The following PPA2 variants were observed in gnomAD, a reference collection of about 807,000 sequenced individuals.
PPA2 encodes the protein inorganic pyrophosphatase 2.
PPA2 carries 48 observed loss-of-function variants against 49.5 expected under a neutral mutation model. The observed-to-expected ratio is 0.97, with a 90% CI of 0.77 to 1.23. PPA2 has a LOEUF of 1.23. Among genes scored for constraint, PPA2 ranks in the 50% most tolerant of loss-of-function variants. The pLI, the probability that PPA2 is intolerant of heterozygous loss-of-function variation, is 0.00. For synonymous variants in PPA2, 131 were observed against 139.9 expected (o/e 0.94, Z 0.45); for missense variants, 429 against 410.1 (o/e 1.05, Z -0.40).
chr4:105,393,202 T>C (rs2110386033), intron 9 of PPA2, among the ~76,000 whole-genome samples: 1 of 152,164 alleles, frequency 6.6e-6, no homozygotes, highest in East Asian at 1.9e-4. Context: ...TTGGATTTTA[T>C]GATTCTTAAG....
rs374898190 is a variant in PPA2 at position 105,471,929 on chromosome 4, T to A, written c.157+1965A>T. ...TTCCTGCCCTGTTTATCCAACTGAA[T>A]GAAAAACGTATTTTATTTGTGGCAC... On this transcript the variant is annotated intron_variant, in intron 1 of 11. Coordinates refer to ENST00000341695, the MANE Select transcript of PPA2 (RefSeq NM_176869.3). 2.8e-3 allele frequency among the ~76,000 whole-genome samples: 428 copies of A among 152,332 alleles called. 2 individuals are homozygous for A. Among genetic ancestry groups the A allele is most frequent in the African/African-American group, 9.9e-3 (411 of 41,574 alleles).
At chr4:105,409,474 C>T (rs1220259522) in intron 7 of PPA2, among the ~76,000 whole-genome samples, 1 of 152,234 alleles carries the variant, frequency 6.6e-6, no homozygotes, top group African/African-American at 2.4e-5. Flanking sequence ...CATAGCTGAA[C>T]AAAAGGCAGC....
At chr4:105,409,583 C>T (rs1373009217) in intron 7 of PPA2, among the ~76,000 whole-genome samples, 2 of 152,204 alleles carry the variant, frequency 1.3e-5, no homozygotes, top group African/African-American at 4.8e-5. Flanking sequence ...GACAGACTGC[C>T]TTCTCAAGTG....
chr4:105,466,642 C>G (rs1483446640), intron 1 of PPA2, among the ~76,000 whole-genome samples: 2 of 152,108 alleles, frequency 1.3e-5, no homozygotes, highest in Admixed American at 6.5e-5. Context: ...AGAGCAGGAA[C>G]AAAGGGAAGG....
intron 7 of PPA2, chr4:105,405,781 G>C: frequency 1.8e-6 from 1 of 553,096 alleles, no homozygotes; most frequent in South Asian, 1.6e-5. Context: ...AAGTAACTTT[G>C]TAGACCCAAG....
At chr4:105,435,079 T>A (rs946315477) in intron 6 of PPA2, among the ~76,000 whole-genome samples, 2 of 152,192 alleles carry the variant, frequency 1.3e-5, no homozygotes, top group Non-Finnish European at 1.5e-5. Flanking sequence ...TGGTTCTAAG[T>A]CTGTTACCAA....
chr4:105,445,182 G>C (rs1216998491), intron 5 of PPA2, among the ~76,000 whole-genome samples: 1 of 152,076 alleles, frequency 6.6e-6, no homozygotes, highest in African/African-American at 2.4e-5. Context: ...TTATTCTCTA[G>C]CTCCTCTACT....
At chr4:105,425,757 CACACA>C (rs1372804726) in intron 6 of PPA2, among the ~76,000 whole-genome samples, 4,189 of 150,624 alleles carry the variant, frequency 0.028, 183 homozygotes, top group African/African-American at 0.098. Flanking sequence ...CACACACACA[CACACA>C]CCCATCAGAA....
In PPA2 at chr4:105,369,682, C is replaced by A; in HGVS notation, c.*43G>T. 1.7e-6 allele frequency: 2 copies of A among 1,176,684 alleles called. No homozygotes were observed. Among genetic ancestry groups the A allele is most frequent in the South Asian group, 2.6e-5 (2 of 75,516 alleles). 72.9% of individuals were successfully genotyped at this position (1,176,684 alleles called of 1,614,324 possible). The stretch of plus-strand genomic sequence containing the variant: ...CCCCTTGTCTCTAGCACTTGGAGTC[C>A]TTAGAGATGGGAATCTTGACAGCAG... On this transcript the variant is annotated 3_prime_UTR_variant, in exon 12 of 12. Transcript: ENST00000341695.
At chr4:105,376,928 T>C (rs566016194) in intron 10 of PPA2, among the ~76,000 whole-genome samples, 8 of 152,180 alleles carry the variant, frequency 5.3e-5, no homozygotes, top group Non-Finnish European at 7.4e-5. Flanking sequence ...CATTGTTTAA[T>C]TCATATTTCC....
Position 105,438,042 on chromosome 4 carries a change from A to T in PPA2, c.442-6T>A, listed in dbSNP as rs918313820. The T allele has an allele frequency of 4.0e-5, 60 of 1,491,204 alleles. No individual in the cohort carries two copies. The highest frequency in any genetic ancestry group is 3.6e-4 in the Middle Eastern group (2 of 5,606). 92.4% of individuals were successfully genotyped at this position (1,491,204 alleles called of 1,614,324 possible). A position where few individuals can be genotyped will look rare whatever the true frequency, so the allele number is the denominator to read the frequency against. Reference sequence around the variant, plus strand: ...TCATGGGGATCTTCCCAAGTCTAAAATTTTTTTTTTAAAAAAAAGCAGAAA... The same window carrying T: ...TCATGGGGATCTTCCCAAGTCTAAATTTTTTTTTTTAAAAAAAAGCAGAAA... On this transcript the variant is annotated splice_polypyrimidine_tract_variant and splice_region_variant and intron_variant, in intron 5 of 11. Transcript: ENST00000341695.
rs187548134 is a variant in PPA2 at position 105,459,327 on chromosome 4, T to A, written c.158-2582A>T. Among the ~76,000 whole-genome samples the A allele has an allele frequency of 2.6e-5, 4 of 152,328 alleles. No homozygotes were observed. The East Asian group carries it at 5.8e-4, about 22-fold the overall frequency. On this transcript the variant is annotated intron_variant, in intron 1 of 11. Transcript: ENST00000341695. ...TCAGATTTCAAATTCTCTGCCCGAT[T>A]TTCAAAGTTATCTATGAGTAACACA...
chr4:105,446,240 C>T, intron 5 of PPA2, 143 bp downstream of exon 5: 1 of 825,040 alleles, frequency 1.2e-6, no homozygotes, highest in South Asian at 2.5e-5. Context: ...ACTAAAACTC[C>T]ATCCACGTTA....
chr4:105,442,784 C>T (rs1724426534), intron 5 of PPA2, among the ~76,000 whole-genome samples: 1 of 152,188 alleles, frequency 6.6e-6, no homozygotes, highest in Admixed American at 6.5e-5. Flanking sequence ...ACTACTTAAA[C>T]AGTATTCTGC....
At chr4:105,450,686 C>T (rs1722637719) in intron 3 of PPA2, among the ~76,000 whole-genome samples, 1 of 147,922 alleles carries the variant, frequency 6.8e-6, no homozygotes, top group Non-Finnish European at 1.5e-5. Flanking sequence ...CGGCTCACTG[C>T]AAGATCCGCC....
chr4:105,410,503 CA>C (rs1233782702), intron 7 of PPA2, among the ~76,000 whole-genome samples: 1 of 152,176 alleles, frequency 6.6e-6, no homozygotes, highest in African/African-American at 2.4e-5. Context: ...GGATATTATC[CA>C]GAAGAACTTC....
At chr4:105,386,498 T>G (rs1733688101) in intron 10 of PPA2, 69 bp downstream of exon 10, 4 of 1,430,008 alleles carry the variant, frequency 2.8e-6, no homozygotes, top group Admixed American at 1.8e-5. Context: ...GCTAGAGATT[T>G]CAGAATTTCT....
chr4:105,396,732 G>A (rs1039928650), intron 8 of PPA2, among the ~76,000 whole-genome samples: 21 of 152,108 alleles, frequency 1.4e-4, no homozygotes, highest in Non-Finnish European at 3.1e-4. Context: ...GATCTGCAAA[G>A]CCTAAAATAT....
chr4:105,418,705 C>A (rs1023787890), intron 7 of PPA2, among the ~76,000 whole-genome samples: 2 of 152,200 alleles, frequency 1.3e-5, no homozygotes, highest in South Asian at 2.1e-4. Flanking sequence ...TGCAGCACAA[C>A]AGACAATAGT....
Sources: allele counts gnomAD v4.1 joint callset (sites outside exome capture counted in the v4.1 genomes callset), GRCh38; gene constraint gnomAD v4.1.1; transcripts MANE v1.5; gene names NCBI Gene and HGNC (gene_info 2026-07-23, HGNC 2026-07-21).